The following NUCB2 variants were observed in gnomAD, a reference collection of about 807,000 sequenced individuals.
NUCB2 encodes nucleobindin 2, also known as nucleobindin-2.
In NUCB2, 48 loss-of-function variants were observed where a neutral mutation model predicts 57.9. That is an observed-to-expected ratio of 0.83 (90% CI 0.66 to 1.05). The LOEUF (loss-of-function observed/expected upper bound fraction) is 1.05. Among genes scored for constraint, NUCB2 ranks in the 50% least tolerant of loss-of-function variants. The pLI is 0.00. For missense variants in NUCB2, 442 were observed against 476.2 expected (o/e 0.93, Z 0.67); for synonymous variants, 139 against 152.1 (o/e 0.91, Z 0.64).
At chr11:17,315,874 T>C (rs72863682) in intron 11 of NUCB2, among the ~76,000 whole-genome samples, 7,362 of 150,066 alleles carry the variant, frequency 0.049, 290 homozygotes, top group Admixed American at 0.14. Flanking sequence ...ATATAGTATA[T>C]GCACATATAC....
At chr11:17,285,123 G>T (rs1943410413) in intron 2 of NUCB2, among the ~76,000 whole-genome samples, 1 of 152,150 alleles carries the variant, frequency 6.6e-6, no homozygotes, top group Non-Finnish European at 1.5e-5. Flanking sequence ...GGTTGAGGAA[G>T]ATGGAAAAAG....
chr11:17,322,012 G>C (rs775477188), intron 11 of NUCB2, among the ~76,000 whole-genome samples: 7 of 152,082 alleles, frequency 4.6e-5, no homozygotes, highest in Non-Finnish European at 1.0e-4. Flanking sequence ...CAGATGCGTA[G>C]TTTGCAATTA....
Position 17,301,764 on chromosome 11 carries a change from AC to A in NUCB2, c.274del (p.Leu92TrpfsTer3). The A allele has an allele frequency of 6.2e-7, 1 of 1,609,624 alleles. No individual in the cohort carries two copies. The highest frequency in any genetic ancestry group is 1.1e-5 in the South Asian group (1 of 90,994). On this transcript the variant is annotated frameshift_variant, in exon 5 of 14. Transcript: ENST00000529010. LOFTEE classifies it high-confidence loss of function. The part of the protein sequence containing the change: ...EIKSGRLSKE[L>X]DLVSHHVRTK... The stretch of plus-strand genomic sequence containing the variant: ...AACAGAGTGGGAGGCTAAGCAAAGA[AC>A]TGGATTTAGTAAGTCACCATGTGAG...
chr11:17,325,871 AAAT>A (rs1950597424), intron 11 of NUCB2, among the ~76,000 whole-genome samples: 1 of 152,212 alleles, frequency 6.6e-6, no homozygotes, highest in Admixed American at 6.5e-5. Context: ...TGAGGCCTGC[AAAT>A]AATATTTTAT....
chr11:17,320,030 T>G (rs10832758), intron 11 of NUCB2, among the ~76,000 whole-genome samples: 36,003 of 152,028 alleles, frequency 0.24, 4,996 homozygotes, highest in East Asian at 0.51. Context: ...AGAGATACTG[T>G]CCTCCAGCTT....
Position 17,301,248 on chromosome 11 carries a change from C to T in NUCB2, c.253-496C>T, listed in dbSNP as rs189760547. ...TTGGTCTCCCAAAGTGCTGGGATTA[C>T]AGGCGTGAGCCACCGCGCCTGGCCT... is the stretch of plus-strand genomic sequence containing the variant. On this transcript the variant is annotated intron_variant, in intron 4 of 13. Coordinates refer to ENST00000529010, the MANE Select transcript of NUCB2 (RefSeq NM_005013.4). 5.4e-4 allele frequency among the ~76,000 whole-genome samples: 78 copies of T among 145,698 alleles called. No individual in the cohort carries two copies. The East Asian group carries it at 0.015, about 29-fold the overall frequency.
At chr11:17,332,912 A>ATGTT (rs1951529933), downstream of NUCB2, 2 of 151,958 alleles carry the variant, frequency 1.3e-5, no homozygotes, top group Non-Finnish European at 2.9e-5. Flanking sequence ...GAGTATTGCT[A>ATGTT]TGTTGCTCAG....
intron 2 of NUCB2, among the ~76,000 whole-genome samples, chr11:17,348,385 A>C (rs1591666018): frequency 8.3e-6 from 1 of 121,146 alleles, no homozygotes; most frequent in Non-Finnish European, 1.6e-5. Flanking sequence ...CCCAGGCTGG[A>C]GTGCAGTGGT....
chr11:17,347,829 A>C (rs1046747186), intron 2 of NUCB2, among the ~76,000 whole-genome samples: 3 of 152,138 alleles, frequency 2.0e-5, no homozygotes, highest in African/African-American at 7.2e-5. Context: ...CTCAATCTGC[A>C]TTTGTCTAGA....
At chr11:17,324,840 T>A (rs1950478325) in intron 11 of NUCB2, among the ~76,000 whole-genome samples, 1 of 151,890 alleles carries the variant, frequency 6.6e-6, no homozygotes, top group Admixed American at 6.6e-5. Flanking sequence ...CTCACTCTGT[T>A]GCCCTGGCTA....
intron 10 of NUCB2, among the ~76,000 whole-genome samples, chr11:17,313,806 A>G (rs535834765): frequency 2.0e-5 from 3 of 151,756 alleles, no homozygotes; most frequent in African/African-American, 7.3e-5. Context: ...TCCTCTTTCC[A>G]AGTTCTACAT....
chr11:17,312,178 A>G (rs1948583935), intron 10 of NUCB2, 58 bp downstream of exon 10: 16 of 908,352 alleles, frequency 1.8e-5, no homozygotes, highest in Non-Finnish European at 2.5e-5. Flanking sequence ...AATTCTTGCA[A>G]TAAATCTTTA....
At chr11:17,287,067 T>A (rs1055876651) in intron 2 of NUCB2, among the ~76,000 whole-genome samples, 2 of 151,896 alleles carry the variant, frequency 1.3e-5, no homozygotes, top group Non-Finnish European at 2.9e-5. Flanking sequence ...CAAAAATAAA[T>A]TTAAAAGGCA....
intron 2 of NUCB2, among the ~76,000 whole-genome samples, chr11:17,288,961 A>T (rs56149006): frequency 0.4 from 22,420 of 56,152 alleles, 6,341 homozygotes; most frequent in East Asian, 0.75. Flanking sequence ...ATATATATAT[A>T]TATTTTTTTT....
At chr11:17,325,762 C>T (rs1035282346) in intron 11 of NUCB2, among the ~76,000 whole-genome samples, 2 of 151,916 alleles carry the variant, frequency 1.3e-5, no homozygotes, top group African/African-American at 4.8e-5. Context: ...TCCTTCCTGT[C>T]TTCCTTTTAG....
rs761001007 is a variant in NUCB2 at position 17,330,182 on chromosome 11, T to A, written c.1058T>A (p.Ile353Asn). The A allele has an allele frequency of 1.3e-6, 2 of 1,591,530 alleles. No individual in the cohort carries two copies. Among genetic ancestry groups the A allele is most frequent in the South Asian group, 2.2e-5 (2 of 89,324 alleles). ...TEEELKEYEN[I>N]IALQENELKK... Reference sequence around the variant, plus strand: ...GAAGAACTAAAAGAATATGAAAATATTATTGCTTTACAAGAAAATGAACTT... The same window carrying A: ...GAAGAACTAAAAGAATATGAAAATAATATTGCTTTACAAGAAAATGAACTT... The change falls in exon 12 of 14, where the codon ATT (isoleucine) becomes AAT (asparagine). Residue 353 changes from isoleucine to asparagine, a missense_variant. Physicochemically the swap from Ile to Asn is moderately radical, Grantham distance 149. Transcript: ENST00000529010. The surrounding 1 kb of genome is among the most constrained non-coding windows in gnomAD (Gnocchi z 4.3).
At chr11:17,313,872 C>T (rs1035079956) in intron 10 of NUCB2, among the ~76,000 whole-genome samples, 2 of 152,080 alleles carry the variant, frequency 1.3e-5, no homozygotes, top group African/African-American at 4.8e-5. Flanking sequence ...GCTTCGTTCT[C>T]TCCTTAAGTG....
intron 5 of NUCB2, among the ~76,000 whole-genome samples, chr11:17,307,772 AT>A (rs1947910115): frequency 6.6e-6 from 1 of 152,058 alleles, no homozygotes; most frequent in Non-Finnish European, 1.5e-5. Context: ...CTTTAGGATA[AT>A]TTCCCCACAG....
intron 13 of NUCB2, 97 bp downstream of exon 13, chr11:17,331,080 G>A: frequency 2.3e-6 from 2 of 880,218 alleles, no homozygotes; most frequent in Non-Finnish European, 1.7e-6. Flanking sequence ...TCATTAAGAT[G>A]TTATGTTATT....
Sources: allele counts gnomAD v4.1 joint callset (sites outside exome capture counted in the v4.1 genomes callset), GRCh38; gene constraint gnomAD v4.1.1; non-coding constraint Gnocchi (gnomAD v3.1); transcripts MANE v1.5; gene names NCBI Gene and HGNC (gene_info 2026-07-23, HGNC 2026-07-21).